Variants in GCNT1 observed in about 807,000 individuals in gnomAD.
GCNT1 encodes the protein beta-1,3-galactosyl-O-glycosyl-glycoprotein beta-1,6-N-acetylglucosaminyltransferase.
GCNT1 carries 16 observed loss-of-function variants against 26.2 expected under a neutral mutation model. The ratio of observed to expected loss-of-function variants is 0.61; its 90% CI spans 0.41 to 0.93. GCNT1 has a LOEUF of 0.93. GCNT1 is among the 40% of genes least tolerant of loss of function. The probability of loss-of-function intolerance (pLI) is 0.00; values close to 1 mark genes in which losing one functional copy is unlikely to be tolerated. For missense variants in GCNT1, 477 were observed against 526.7 expected (o/e 0.91, Z 0.92); for synonymous variants, 183 against 190.8 (o/e 0.96, Z 0.34).
Position 76,503,234 on chromosome 9 carries a change from G to A in GCNT1, c.853G>A (p.Gly285Ser). Residue 285 changes from glycine to serine, a missense_variant, in exon 4 of 4, where the codon GGC becomes AGC. Coordinates refer to ENST00000376730, the MANE Select transcript of GCNT1 (RefSeq NM_001490.5). The stretch of plus-strand genomic sequence containing the variant: ...TCCACTCGAAACACCTCTCTTTTCT[G>A]GCAGTGCCTACTTCGTGGTCAGTAG... ...LPPLETPLFS[G>S]SAYFVVSREY... 6.2e-7 allele frequency: 1 copy of A among 1,614,140 alleles called. No individual in the cohort carries two copies. The highest frequency in any genetic ancestry group is 8.5e-7 in the Non-Finnish European group (1 of 1,180,016).
chr9:76,468,832 C>G (rs1824064526), intron 2 of GCNT1, among the ~76,000 whole-genome samples: 1 of 152,086 alleles, frequency 6.6e-6, no homozygotes, highest in African/African-American at 2.4e-5. Flanking sequence ...TACCAAGGGG[C>G]ATTTGGGAAG....
intron 2 of GCNT1, among the ~76,000 whole-genome samples, chr9:76,476,375 C>T (rs1029520436): frequency 2.0e-5 from 3 of 150,918 alleles, no homozygotes; most frequent in Non-Finnish European, 1.5e-5. Flanking sequence ...ATTTTGTTTC[C>T]ATAAAACCGT....
chr9:76,420,270 T>A (rs945164238), intron 1 of GCNT1: 1 of 152,282 alleles, frequency 6.6e-6, no homozygotes, highest in African/African-American at 2.4e-5. Context: ...TGTTTTTATA[T>A]TTCATTTCTA....
chr9:76,478,708 C>T lies in GCNT1; in HGVS notation c.-290+18531C>T, dbSNP rs897587642. On this transcript the variant is annotated intron_variant, in intron 2 of 3. Transcript: ENST00000376730. Reference sequence around the variant, plus strand: ...AATACTGATCCGTTGTATGGATATACCACATCTTGTTTATCACGTGCTTTT... The same window carrying T: ...AATACTGATCCGTTGTATGGATATATCACATCTTGTTTATCACGTGCTTTT... Among the ~76,000 whole-genome samples, 6 of 152,162 alleles carry T rather than the reference C, an allele frequency of 3.9e-5. No individual in the cohort carries two copies. In the East Asian group the frequency reaches 5.8e-4, roughly 15 times the overall value.
intron 2 of GCNT1, among the ~76,000 whole-genome samples, chr9:76,474,159 A>G (rs1165740162): frequency 6.6e-6 from 1 of 152,190 alleles, no homozygotes; most frequent in African/African-American, 2.4e-5. Context: ...ACAAAGTGAA[A>G]CCTTGATGAT....
intron 1 of GCNT1, among the ~76,000 whole-genome samples, chr9:76,446,243 AGTGCCCTTCTCTGGTCAG>A (rs1023048205): frequency 6.6e-6 from 1 of 152,146 alleles, no homozygotes; most frequent in Non-Finnish European, 1.5e-5. Context: ...GAGTGACTCC[AGTGCCCTTCTCTGGTCAG>A]GAACATAGCC....
chr9:76,488,566 C>G (rs1824644716), intron 2 of GCNT1, among the ~76,000 whole-genome samples: 1 of 152,160 alleles, frequency 6.6e-6, no homozygotes, highest in African/African-American at 2.4e-5. Context: ...CTCACTACAA[C>G]CTCTTCCTCC....
intron 1 of GCNT1, among the ~76,000 whole-genome samples, chr9:76,443,876 G>GAAAAGAAA (rs367635122): frequency 1.8e-5 from 1 of 54,372 alleles, no homozygotes; most frequent in African/African-American, 7.3e-5. Context: ...TCTAAAAAAA[G>GAAAAGAAA]GAAAGAAAGA....
intron 3 of GCNT1, chr9:76,501,657 A>G (rs1290611222): frequency 6.6e-6 from 1 of 152,198 alleles, no homozygotes; most frequent in African/African-American, 2.4e-5. Context: ...CCTTCCTTCA[A>G]AGATTCTTAG....
At chr9:76,428,187 G>T (rs539777689) in intron 1 of GCNT1, among the ~76,000 whole-genome samples, 1 of 147,896 alleles carries the variant, frequency 6.8e-6, no homozygotes, top group African/African-American at 2.5e-5. Flanking sequence ...AATGGCGTGA[G>T]CCCGGGAGGT....
upstream of GCNT1, among the ~76,000 whole-genome samples, chr9:76,417,503 T>C (rs1418901689): frequency 6.6e-6 from 1 of 152,232 alleles, no homozygotes; most frequent in Non-Finnish European, 1.5e-5. Context: ...CAGAGGTAAA[T>C]GTTTTTACGT....
intron 2 of GCNT1, among the ~76,000 whole-genome samples, chr9:76,482,140 T>C (rs1021136467): frequency 1.3e-5 from 2 of 152,104 alleles, no homozygotes; most frequent in Admixed American, 6.6e-5. Context: ...AAAAAGACAG[T>C]GCCTCACTTG....
chr9:76,456,809 C>T (rs1170286026), upstream of GCNT1, among the ~76,000 whole-genome samples: 2 of 152,042 alleles, frequency 1.3e-5, no homozygotes, highest in African/African-American at 4.8e-5. Flanking sequence ...CCTATCTCTA[C>T]AAAAAATACC....
chr9:76,435,333 G>A (rs1297721371), intron 1 of GCNT1, among the ~76,000 whole-genome samples: 4 of 152,048 alleles, frequency 2.6e-5, no homozygotes, highest in Non-Finnish European at 5.9e-5. Context: ...TCTCAGACTG[G>A]CCAGCAATTA....
chr9:76,474,604 G>A (rs889588120), intron 2 of GCNT1, among the ~76,000 whole-genome samples: 1 of 152,176 alleles, frequency 6.6e-6, no homozygotes, highest in African/African-American at 2.4e-5. Flanking sequence ...AAATATAAGT[G>A]TATTGTGCAA....
intron 2 of GCNT1, among the ~76,000 whole-genome samples, chr9:76,490,423 A>G (rs1824700448): frequency 6.6e-6 from 1 of 152,216 alleles, no homozygotes; most frequent in South Asian, 2.1e-4. Context: ...TTCCTGTAGC[A>G]GTGGCCATTT....
intron 1 of GCNT1, among the ~76,000 whole-genome samples, chr9:76,443,591 C>A (rs950256753): frequency 2.6e-5 from 4 of 152,208 alleles, no homozygotes; most frequent in African/African-American, 9.6e-5. Flanking sequence ...AAACCCACAA[C>A]CTTCCAGCAT....
intron 1 of GCNT1, among the ~76,000 whole-genome samples, chr9:76,434,986 G>A (rs899668227): frequency 6.6e-6 from 1 of 152,132 alleles, no homozygotes; most frequent in Non-Finnish European, 1.5e-5. Flanking sequence ...CTCGAACCAT[G>A]TTTTCTGTTG....
chr9:76,395,156 C>T, the GCNT1 span, among the ~76,000 whole-genome samples: 6 of 152,152 alleles, frequency 3.9e-5, no homozygotes, highest in Non-Finnish European at 7.3e-5. Flanking sequence ...TTCGTACCCT[C>T]GGAACTGTAA....
Sources: allele counts gnomAD v4.1 joint callset (sites outside exome capture counted in the v4.1 genomes callset), GRCh38; gene constraint gnomAD v4.1.1; transcripts MANE v1.5; gene names NCBI Gene and HGNC (gene_info 2026-07-23, HGNC 2026-07-21).